DOCK2: variants seen among roughly 807,000 people sequenced by gnomAD.
The protein encoded by DOCK2 is dedicator of cytokinesis protein 2.
In DOCK2, 87 loss-of-function variants were observed where a neutral mutation model predicts 248.9. That is an observed-to-expected ratio of 0.35 (90% CI 0.29 to 0.42). The LOEUF is 0.42. DOCK2 is among the 10% of genes least tolerant of loss of function. The pLI is 1.00. For synonymous variants in DOCK2, 805 were observed against 821.6 expected, an observed-to-expected ratio of 0.98 and a Z score of 0.35; for missense variants, 1,747 against 2,300.2, an observed-to-expected ratio of 0.76 and a Z score of 4.92.
At chr5:170,056,882 G>T in intron 43 of DOCK2, 114 bp downstream of exon 43, 1 of 924,938 alleles carries the variant, frequency 1.1e-6, no homozygotes, top group Non-Finnish European at 1.7e-6. Context: ...AGAAAATAAA[G>T]CCAACCTCCA....
intron 34 of DOCK2, among the ~76,000 whole-genome samples, chr5:170,031,840 C>A (rs914922898): frequency 6.6e-6 from 1 of 152,120 alleles, no homozygotes; most frequent in African/African-American, 2.4e-5. Context: ...AGACCTTTTT[C>A]TTCTAAACCC....
At position 170,006,473 on chromosome 5, in the gene DOCK2, C is replaced by T. The variant is rs181495288; in HGVS notation, c.3073-2024C>T. On this transcript the variant is annotated intron_variant, in intron 30 of 51. Transcript: ENST00000520908. The stretch of plus-strand genomic sequence containing the variant: ...GATTACAGGTGTGTGCCACCATGCC[C>T]GGCTAATTTTTGTATTTTTAGTAGA... Among the ~76,000 whole-genome samples the T allele has an allele frequency of 4.7e-3, 720 of 152,042 alleles. 9 individuals carry two copies. The highest frequency in any genetic ancestry group is 0.016 in the African/African-American group (652 of 41,484).
At chr5:169,892,344 C>A (rs1023141739) in intron 27 of DOCK2, among the ~76,000 whole-genome samples, 3 of 152,220 alleles carry the variant, frequency 2.0e-5, no homozygotes, top group South Asian at 4.1e-4. Flanking sequence ...ATCCCCTACA[C>A]CCGCACAGCT....
chr5:169,771,642 T>C (rs977038264), intron 25 of DOCK2, among the ~76,000 whole-genome samples: 3 of 152,218 alleles, frequency 2.0e-5, no homozygotes, highest in Non-Finnish European at 4.4e-5. Flanking sequence ...TTTAATATAT[T>C]CTTTCTACTT....
intron 23 of DOCK2, among the ~76,000 whole-genome samples, chr5:169,753,203 CTTTT>C (rs961253721): frequency 2.6e-5 from 4 of 152,282 alleles, no homozygotes; most frequent in Admixed American, 6.5e-5. Flanking sequence ...GACAAATAGT[CTTTT>C]TAAGTTCCAT....
At chr5:170,068,699 A>G (rs1166610954) in intron 45 of DOCK2, among the ~76,000 whole-genome samples, 1 of 152,190 alleles carries the variant, frequency 6.6e-6, no homozygotes, top group Admixed American at 6.5e-5. Flanking sequence ...AACACCCACC[A>G]GTGAGATTCC....
chr5:170,001,513 T>G (rs1336340375), intron 30 of DOCK2, among the ~76,000 whole-genome samples: 1 of 152,132 alleles, frequency 6.6e-6, no homozygotes. Flanking sequence ...CCTTCACCGT[T>G]TTGTAGCTCT....
chr5:169,663,056 G>T (rs114863108), intron 2 of DOCK2, among the ~76,000 whole-genome samples: 1 of 152,154 alleles, frequency 6.6e-6, no homozygotes, highest in African/African-American at 2.4e-5. Flanking sequence ...ATACAATGGG[G>T]GTACAAGCAT....
intron 27 of DOCK2, among the ~76,000 whole-genome samples, chr5:169,970,701 A>G (rs1472742721): frequency 2.6e-5 from 4 of 152,354 alleles, no homozygotes; most frequent in Admixed American, 6.5e-5. Context: ...TGGCCCTGCC[A>G]GGGTGAAATA....
chr5:170,082,003 G>T lies in DOCK2; in HGVS notation c.5430+19G>T. On this transcript the variant is annotated intron_variant, in intron 51 of 51. Coordinates refer to ENST00000520908, the MANE Select transcript of DOCK2 (RefSeq NM_004946.3). ...GACAATGGTGAGGACATTGAGGGTG[G>T]AAGGAAAGGAAGGCATTGGGAGGAG... The T allele has an allele frequency of 6.2e-7, 1 of 1,611,202 alleles. No individual in the cohort carries two copies.
At chr5:169,965,919 G>T (rs1281224708) in intron 27 of DOCK2, among the ~76,000 whole-genome samples, 1 of 152,116 alleles carries the variant, frequency 6.6e-6, no homozygotes, top group African/African-American at 2.4e-5. Context: ...AGGAATCCAG[G>T]AACAGATTAT....
At chr5:169,814,605 C>A (rs1767954865) in intron 26 of DOCK2, among the ~76,000 whole-genome samples, 1 of 152,144 alleles carries the variant, frequency 6.6e-6, no homozygotes, top group Non-Finnish European at 1.5e-5. Flanking sequence ...TAACATTAAC[C>A]AGTGCTGGGT....
intron 27 of DOCK2, among the ~76,000 whole-genome samples, chr5:169,849,121 G>T (rs1312718046): frequency 6.6e-6 from 1 of 152,100 alleles, no homozygotes; most frequent in Non-Finnish European, 1.5e-5. Context: ...GTGGTTAGTT[G>T]GCTCTTGGCC....
rs774542703 is a variant in DOCK2, at chr5:170,082,839, C to T, written c.5474C>T (p.Ser1825Leu). Residue 1825 changes from serine (S) to leucine (L), a missense_variant, in exon 52 of 52, where the codon TCG (serine) becomes TTG (leucine). By Grantham distance (145) the Ser-to-Leu change is moderately radical. Coordinates refer to ENST00000520908, the MANE Select transcript of DOCK2 (RefSeq NM_004946.3). The part of the protein sequence containing the change: ...SAEEGKQIPD[S>L]LSTDL ...GAAGAAGGCAAACAGATCCCAGACT[C>T]GCTGTCCACGGACCTGTGAGCTGCT... is the stretch of plus-strand genomic sequence containing the variant. The T allele has an allele frequency of 2.5e-5, 40 of 1,614,206 alleles. No homozygotes were observed. Among genetic ancestry groups the T allele is most frequent in the African/African-American group, 1.9e-4 (14 of 75,068 alleles).
At chr5:169,992,470 ATTG>A (rs1456872246) in intron 29 of DOCK2, among the ~76,000 whole-genome samples, 6 of 152,146 alleles carry the variant, frequency 3.9e-5, no homozygotes, top group African/African-American at 9.7e-5. Context: ...AAGTACAATT[ATTG>A]TTGTTGTTTT....
chr5:169,875,413 G>A, intron 27 of DOCK2: 2 of 416,006 alleles, frequency 4.8e-6, no homozygotes, highest in Non-Finnish European at 4.8e-6. Flanking sequence ...CGATGCCCTT[G>A]GCTGAGTGGA....
At chr5:169,756,198 C>A (rs377498682) in intron 23 of DOCK2, among the ~76,000 whole-genome samples, 114 of 152,324 alleles carry the variant, frequency 7.5e-4, no homozygotes, top group African/African-American at 2.6e-3. Context: ...TCTGAGCAGC[C>A]CCTCCCGCAG....
chr5:170,079,160 G>A lies in DOCK2; in HGVS notation c.5166+14G>A. 1 of 1,611,808 alleles carries A rather than the reference G, an allele frequency of 6.2e-7. No individual in the cohort carries two copies. Among genetic ancestry groups the A allele is most frequent in the East Asian group, 2.2e-5 (1 of 44,836 alleles). On this transcript the variant is annotated intron_variant, in intron 49 of 51. Coordinates refer to ENST00000520908, the MANE Select transcript of DOCK2 (RefSeq NM_004946.3). ...GACCTGAAGCGGGTGAGTGGCTGAGGCAGATTGCCTCTCCAGCGCTGTTAG... is the reference window on the plus strand; with the variant it reads ...GACCTGAAGCGGGTGAGTGGCTGAGACAGATTGCCTCTCCAGCGCTGTTAG...
intron 27 of DOCK2, among the ~76,000 whole-genome samples, chr5:169,939,657 G>C (rs557279617): frequency 6.6e-6 from 1 of 152,286 alleles, no homozygotes; most frequent in East Asian, 1.9e-4. Context: ...ATGCCACTAG[G>C]AGGTAGGAAT....
Sources: gnomAD v4.1 joint callset for allele counts (sites outside exome capture counted in the v4.1 genomes callset) on GRCh38, gnomAD v4.1.1 for gene constraint, MANE v1.5 for transcripts, NCBI Gene and HGNC (gene_info 2026-07-23, HGNC 2026-07-21) for gene names.